FASTK: variants seen among roughly 807,000 people sequenced by gnomAD.
FASTK encodes the protein fas-activated serine/threonine kinase.
In FASTK, 28 loss-of-function variants were observed where a neutral mutation model predicts 60.0. The ratio of observed to expected loss-of-function variants is 0.47; its 90% CI spans 0.35 to 0.64. The LOEUF (loss-of-function observed/expected upper bound fraction) is 0.64, where lower values mean the gene tolerates loss of function less well. FASTK is among the 30% of genes least tolerant of loss of function. The pLI is 0.01. For missense variants in FASTK, 595 were observed against 713.8 expected, an observed-to-expected ratio of 0.83 and a Z score of 1.90; for synonymous variants, 325 against 307.9, an observed-to-expected ratio of 1.06 and a Z score of -0.58.
Position 151,076,674 on chromosome 7 carries a change from C to A in FASTK, c.*51G>T. The A allele has an allele frequency of 8.3e-7, 1 of 1,206,216 alleles. No homozygotes were observed. The highest frequency in any genetic ancestry group is 1.2e-6 in the Non-Finnish European group (1 of 868,670). The allele number at this position is 1,206,216 out of a possible 1,614,324, so 74.7% of individuals were successfully genotyped here. ...AATCAAAACACAGGGAACCAAAGTGCAAATCATCCACCCCCCATGGGGGGG... is the reference window on the plus strand; with the variant it reads ...AATCAAAACACAGGGAACCAAAGTGAAAATCATCCACCCCCCATGGGGGGG... On this transcript the variant is annotated 3_prime_UTR_variant, in exon 10 of 10. Transcript: ENST00000297532.
rs926125633 is a variant in FASTK, at chr7:151,080,556, C to G, written c.82+129G>C. The G allele has an allele frequency of 4.6e-6, 6 of 1,312,996 alleles. No individual in the cohort carries two copies. The South Asian group carries it at 1.0e-4, about 23-fold the overall frequency. The allele number at this position is 1,312,996 out of a possible 1,614,324, so 81.3% of individuals were successfully genotyped here. A position where few individuals can be genotyped will look rare whatever the true frequency, so the allele number is the denominator to read the frequency against. On this transcript the variant is annotated intron_variant, in intron 1 of 9. Coordinates refer to ENST00000297532, the MANE Select transcript of FASTK (RefSeq NM_006712.5). The stretch of plus-strand genomic sequence containing the variant: ...GCCCGAGTGCACCGCTTTGCGATGG[C>G]GCGGAGTCGGCGAAGTCGGGGGCCC...
In FASTK at chr7:151,078,741, C is replaced by T. The variant is rs141897233; in HGVS notation, c.686-40G>A. 2,355 of 1,611,128 alleles carry T rather than the reference C, an allele frequency of 1.5e-3. 1 individual carries two copies. Among genetic ancestry groups the T allele is most frequent in the Non-Finnish European group, 1.8e-3 (2,092 of 1,179,096 alleles). ...CTGTCACGCTGGGCCTCAGCCGGAC[C>T]TCCGGCTGGCTCAATTCCACCTCAG... On this transcript the variant is annotated intron_variant, in intron 3 of 9. Transcript: ENST00000297532.
intron 4 of FASTK, 95 bp from the exon 5 acceptor site, chr7:151,078,187 C>T (rs930878762): frequency 2.4e-5 from 23 of 945,004 alleles, no homozygotes; most frequent in South Asian, 9.7e-5. Context: ...CTCAGGTTTA[C>T]AACACTGCTG....
At chr7:151,079,067 C>T (rs1797834926) in intron 2 of FASTK, 46 bp from the exon 3 acceptor site, 1 of 1,399,422 alleles carries the variant, frequency 7.1e-7, no homozygotes, top group Admixed American at 3.4e-5. Flanking sequence ...AGCTGTGCTG[C>T]TGTTCTTATC....
chr7:151,078,518 C>T, intron 4 of FASTK, 44 bp downstream of exon 4: 1 of 1,603,038 alleles, frequency 6.2e-7, no homozygotes, highest in Non-Finnish European at 8.5e-7. Flanking sequence ...GACAAGGTCC[C>T]TGAGAATGAC....
chr7:151,076,698 G>T lies in FASTK; in HGVS notation c.*27C>A, dbSNP rs541161603. 10 of 1,434,798 alleles carry T rather than the reference G, an allele frequency of 7.0e-6. No individual in the cohort carries two copies. The highest frequency in any genetic ancestry group is 5.0e-4 in the Middle Eastern group (2 of 3,990). 88.9% of individuals were successfully genotyped at this position (1,434,798 alleles called of 1,614,324 possible). On this transcript the variant is annotated 3_prime_UTR_variant, in exon 10 of 10. Coordinates refer to ENST00000297532, the MANE Select transcript of FASTK (RefSeq NM_006712.5). Reference sequence around the variant, plus strand: ...GCAAATCATCCACCCCCCATGGGGGGGCCATCCTGAACCCCACATCAACCC... The same window carrying T: ...GCAAATCATCCACCCCCCATGGGGGTGCCATCCTGAACCCCACATCAACCC...
Position 151,076,965 on chromosome 7 carries a change from G to C in FASTK, c.1490C>G (p.Ser497Trp). Residue 497 changes from serine (S) to tryptophan (W), a missense_variant, in exon 9 of 10, where the codon TCG (serine) becomes TGG (tryptophan). Physicochemically the swap from Ser to Trp is radical, Grantham distance 177 (BLOSUM62 -3). Coordinates refer to ENST00000297532, the MANE Select transcript of FASTK (RefSeq NM_006712.5). Reference protein sequence around the residue: ...FCRDGRVLLGSRALRERHLGL... With the variant: ...FCRDGRVLLGWRALRERHLGL... ...TAGGTGCCGCTCCCTCAGGGCCCTC[G>C]AGCCCAGCAGCACCCGGCCGTCCCG... is the stretch of plus-strand genomic sequence containing the variant. The C allele has an allele frequency of 6.2e-7, 1 of 1,612,172 alleles. No homozygotes were observed. Among genetic ancestry groups the C allele is most frequent in the Non-Finnish European group, 8.5e-7 (1 of 1,179,684 alleles).
chr7:151,080,769 G>T lies in FASTK; in HGVS notation c.-3C>A. 7.8e-7 allele frequency: 1 copy of T among 1,284,000 alleles called. No homozygotes were observed. Among genetic ancestry groups the T allele is most frequent in the Non-Finnish European group, 9.9e-7 (1 of 1,014,092 alleles). 79.5% of individuals were successfully genotyped at this position (1,284,000 alleles called of 1,614,324 possible). A position where few individuals can be genotyped will look rare whatever the true frequency, so the allele number is the denominator to read the frequency against. On this transcript the variant is annotated 5_prime_UTR_variant, in exon 1 of 10. Coordinates refer to ENST00000297532, the MANE Select transcript of FASTK (RefSeq NM_006712.5). ...GGTTCCCCCCGCGGCCTCCTCATCGGCTAGCCACCGAGTCCGCCATCTTCC... is the reference window on the plus strand; with the variant it reads ...GGTTCCCCCCGCGGCCTCCTCATCGTCTAGCCACCGAGTCCGCCATCTTCC...
At position 151,079,764 on chromosome 7, in the gene FASTK, G is replaced by C. The variant is rs557391245; in HGVS notation, c.241C>G (p.Pro81Ala). ...AGAAGCCGCTGCAGTCCTTGCACAG[G>C]ACCTGCACTGGGGCCTCCTCCAACA... ...RPVGGGPSAG[P>A]VQGLQRLLEQ... The change falls in exon 2 of 10, where the codon CCT becomes GCT. Residue 81 changes from proline (P) to alanine (A), a missense_variant. Coordinates refer to ENST00000297532, the MANE Select transcript of FASTK (RefSeq NM_006712.5). 1.2e-6 allele frequency: 2 copies of C among 1,601,332 alleles called. No homozygotes were observed. Among genetic ancestry groups the C allele is most frequent in the South Asian group, 1.1e-5 (1 of 89,044 alleles).
chr7:151,079,940 A>G lies in FASTK; in HGVS notation c.83-18T>C, dbSNP rs1334564919. On this transcript the variant is annotated intron_variant, in intron 1 of 9. Coordinates refer to ENST00000297532, the MANE Select transcript of FASTK (RefSeq NM_006712.5). ...TGGAGACCCTGAGGGGCAGCCCAAA[A>G]AAGGGGGTGAGGTTTTCTCCAAAGG... is the stretch of plus-strand genomic sequence containing the variant. 4.5e-6 allele frequency: 7 copies of G among 1,554,696 alleles called. No homozygotes were observed. The South Asian group carries it at 7.0e-5, about 16-fold the overall frequency.
Position 151,078,589 on chromosome 7 carries a change from C to A in FASTK, c.798G>T (p.Val266=). ...QLLEAIAHFL[V]VQETQLSSKV... ...TGCTGCTGAGTTGCGTTTCCTGAAC[C>A]ACCAGGAAGTGGGCAATGGCTTCCA... The change falls in exon 4 of 10, where the codon GTG becomes GTT. Residue 266 remains valine (V), a synonymous_variant. Transcript: ENST00000297532. The A allele has an allele frequency of 6.2e-7, 1 of 1,613,596 alleles. No homozygotes were observed. The highest frequency in any genetic ancestry group is 8.5e-7 in the Non-Finnish European group (1 of 1,179,866).
At position 151,078,875 on chromosome 7, in the gene FASTK, A is replaced by G. The variant is rs1797819790; in HGVS notation, c.652T>C (p.Tyr218His). Residue 218 changes from tyrosine to histidine, a missense_variant, in exon 3 of 10, where the codon TAT becomes CAT. Transcript: ENST00000297532. ...AALSCPRFLR[Y>H]PRQHLISSLA... ...CTGCTGATCAGATGCTGCCGTGGAT[A>G]CCGCAGAAAACGGGGGCAGCTTAGA... 6.2e-7 allele frequency: 1 copy of G among 1,604,550 alleles called. No individual in the cohort carries two copies. The highest frequency in any genetic ancestry group is 1.8e-5 in the Admixed American group (1 of 57,124).
rs755266704 is a variant in FASTK at position 151,077,597 on chromosome 7, C to T, written c.1199+24G>A. ...TGCTGGTCCCAGGCTGGCCCCTCCCCTTGCCCCAGGCTGCCCCATCCACCT... is the reference window on the plus strand; with the variant it reads ...TGCTGGTCCCAGGCTGGCCCCTCCCTTTGCCCCAGGCTGCCCCATCCACCT... On this transcript the variant is annotated intron_variant, in intron 6 of 9. Coordinates refer to ENST00000297532, the MANE Select transcript of FASTK (RefSeq NM_006712.5). The T allele has an allele frequency of 9.1e-6, 14 of 1,532,166 alleles. No homozygotes were observed. The Middle Eastern group carries it at 1.5e-3, about 164-fold the overall frequency. The allele number at this position is 1,532,166 out of a possible 1,614,324, so 94.9% of individuals were successfully genotyped here. A position where few individuals can be genotyped will look rare whatever the true frequency, so the allele number is the denominator to read the frequency against.
chr7:151,078,483 C>G, intron 4 of FASTK, 79 bp downstream of exon 4: 1 of 1,507,222 alleles, frequency 6.6e-7, no homozygotes, highest in Non-Finnish European at 9.1e-7. Context: ...AAAAGGATAG[C>G]CGAGCTGCAC....
In FASTK at chr7:151,080,781, G is replaced by A. The variant is rs1001512726; in HGVS notation, c.-15C>T. 2.4e-6 allele frequency: 3 copies of A among 1,270,076 alleles called. No individual in the cohort carries two copies. The highest frequency in any genetic ancestry group is 4.2e-5 in the Admixed American group (1 of 23,792). The allele number at this position is 1,270,076 out of a possible 1,614,324, so 78.7% of individuals were successfully genotyped here. A position where few individuals can be genotyped will look rare whatever the true frequency, so the allele number is the denominator to read the frequency against. ...GGCCTCCTCATCGGCTAGCCACCGAGTCCGCCATCTTCCCAGCAGCCCCTA... is the reference window on the plus strand; with the variant it reads ...GGCCTCCTCATCGGCTAGCCACCGAATCCGCCATCTTCCCAGCAGCCCCTA... On this transcript the variant is annotated 5_prime_UTR_variant, in exon 1 of 10. Transcript: ENST00000297532.
Position 151,080,781 on chromosome 7 carries a change from G to C in FASTK, c.-15C>G. The C allele has an allele frequency of 7.9e-7, 1 of 1,270,186 alleles. No individual in the cohort carries two copies. The highest frequency in any genetic ancestry group is 1.0e-6 in the Non-Finnish European group (1 of 1,004,100). The allele number at this position is 1,270,186 out of a possible 1,614,324, so 78.7% of individuals were successfully genotyped here. A position where few individuals can be genotyped will look rare whatever the true frequency, so the allele number is the denominator to read the frequency against. ...GGCCTCCTCATCGGCTAGCCACCGA[G>C]TCCGCCATCTTCCCAGCAGCCCCTA... is the stretch of plus-strand genomic sequence containing the variant. On this transcript the variant is annotated 5_prime_UTR_variant, in exon 1 of 10. Coordinates refer to ENST00000297532, the MANE Select transcript of FASTK (RefSeq NM_006712.5).
In FASTK at chr7:151,080,644, C is replaced by G; in HGVS notation, c.82+41G>C. 2.1e-6 allele frequency: 3 copies of G among 1,422,006 alleles called. No individual in the cohort carries two copies. The African/African-American group carries it at 4.5e-5, about 21-fold the overall frequency. 88.1% of individuals were successfully genotyped at this position (1,422,006 alleles called of 1,614,324 possible). A position where few individuals can be genotyped will look rare whatever the true frequency, so the allele number is the denominator to read the frequency against. On this transcript the variant is annotated intron_variant, in intron 1 of 9. Coordinates refer to ENST00000297532, the MANE Select transcript of FASTK (RefSeq NM_006712.5). The stretch of plus-strand genomic sequence containing the variant: ...GGCCGCTGCCGCTAACACCAGCTCC[C>G]GCTGCCCTCCCGCAGCCCTCCCCGC...
At chr7:151,077,503 G>C in intron 6 of FASTK, 102 bp from the exon 7 acceptor site, 1 of 1,514,678 alleles carries the variant, frequency 6.6e-7, no homozygotes, top group Admixed American at 1.9e-5. Context: ...GCTGCTTCAG[G>C]GCCCAGTTTT....
At position 151,079,030 on chromosome 7, in the gene FASTK, G is replaced by C. The variant is rs1282909855; in HGVS notation, c.506-9C>G. ...ACCATCAGATGGAAAGCCTGAGGGGGAGAGGTAAAAGGCAGCCTGGTAACA... is the reference window on the plus strand; with the variant it reads ...ACCATCAGATGGAAAGCCTGAGGGGCAGAGGTAAAAGGCAGCCTGGTAACA... On this transcript the variant is annotated splice_polypyrimidine_tract_variant and intron_variant, in intron 2 of 9. Coordinates refer to ENST00000297532, the MANE Select transcript of FASTK (RefSeq NM_006712.5). 1 of 1,454,288 alleles carries C rather than the reference G, an allele frequency of 6.9e-7. No individual in the cohort carries two copies. The highest frequency in any genetic ancestry group is 9.1e-7 in the Non-Finnish European group (1 of 1,103,636). 90.1% of individuals were successfully genotyped at this position (1,454,288 alleles called of 1,614,324 possible). A position where few individuals can be genotyped will look rare whatever the true frequency, so the allele number is the denominator to read the frequency against.
Sources: gnomAD v4.1 joint callset for allele counts on GRCh38, gnomAD v4.1.1 for gene constraint, MANE v1.5 for transcripts, NCBI Gene and HGNC (gene_info 2026-07-23, HGNC 2026-07-21) for gene names.